The following TUSC3 variants were observed in gnomAD, a reference collection of about 807,000 sequenced individuals.
The protein encoded by TUSC3 is dolichyl-diphosphooligosaccharide--protein glycosyltransferase subunit TUSC3.
TUSC3 carries 45 observed loss-of-function variants against 44.8 expected under a neutral mutation model. The observed-to-expected ratio is 1.00, with a 90% confidence interval of 0.79 to 1.29. The LOEUF (loss-of-function observed/expected upper bound fraction) is 1.29. Among genes scored for constraint, TUSC3 ranks in the 50% most tolerant of loss-of-function variants. TUSC3 has a pLI of 0.00. For missense variants in TUSC3, 519 were observed against 437.9 expected, an observed-to-expected ratio of 1.19 and a Z score of -1.65; for synonymous variants, 212 against 152.9, an observed-to-expected ratio of 1.39 and a Z score of -2.85.
intron 1 of TUSC3, among the ~76,000 whole-genome samples, chr8:15,573,118 A>G (rs1282620617): frequency 6.7e-6 from 1 of 150,134 alleles, no homozygotes. Context: ...AAGCACAATA[A>G]AAGGAAGTAT....
intron 1 of TUSC3, among the ~76,000 whole-genome samples, chr8:15,425,686 T>C (rs1243993747): frequency 6.6e-6 from 1 of 152,220 alleles, no homozygotes; most frequent in African/African-American, 2.4e-5. Flanking sequence ...CCAAAGATTA[T>C]ATTATTCTCT....
At chr8:15,511,340 T>A (rs189122807) in intron 2 of TUSC3, among the ~76,000 whole-genome samples, 1 of 152,186 alleles carries the variant, frequency 6.6e-6, no homozygotes, top group East Asian at 1.9e-4. Flanking sequence ...AAAGCAAAAC[T>A]GTAGTTTTGG....
chr8:15,704,544 G>A (rs1809537014), intron 6 of TUSC3, among the ~76,000 whole-genome samples: 1 of 152,044 alleles, frequency 6.6e-6, no homozygotes, highest in Non-Finnish European at 1.5e-5. Context: ...TAACTTTATT[G>A]GTTCTTTGTT....
intron 1 of TUSC3, among the ~76,000 whole-genome samples, chr8:15,477,814 G>A (rs1316935284): frequency 6.6e-6 from 1 of 152,060 alleles, no homozygotes; most frequent in Non-Finnish European, 1.5e-5. Context: ...TACATGTGAT[G>A]GTATTGAATA....
chr8:15,710,083 G>A (rs1809781253), intron 6 of TUSC3, among the ~76,000 whole-genome samples: 1 of 151,536 alleles, frequency 6.6e-6, no homozygotes, highest in African/African-American at 2.4e-5. Context: ...TTACCTTAGT[G>A]CGCTCCCCTC....
chr8:15,636,716 G>T (rs150440163), intron 2 of TUSC3, among the ~76,000 whole-genome samples: 1 of 152,190 alleles, frequency 6.6e-6, no homozygotes. Flanking sequence ...GAGGACACTG[G>T]TTTGTGGGCT....
chr8:15,730,892 T>TA (rs1424065057), intron 7 of TUSC3, among the ~76,000 whole-genome samples, 163 bp downstream of exon 7: 2 of 152,158 alleles, frequency 1.3e-5, no homozygotes, highest in African/African-American at 2.4e-5. Flanking sequence ...TATTTCCTAT[T>TA]ACGGTATAAT....
intron 2 of TUSC3, among the ~76,000 whole-genome samples, chr8:15,532,553 A>G (rs942468507): frequency 6.6e-6 from 1 of 152,164 alleles, no homozygotes; most frequent in Non-Finnish European, 1.5e-5. Context: ...GGGAGAGAGT[A>G]AGAAGTTTAA....
At chr8:15,563,486 G>A (rs371637058) in intron 1 of TUSC3, among the ~76,000 whole-genome samples, 9 of 151,984 alleles carry the variant, frequency 5.9e-5, no homozygotes, top group African/African-American at 2.2e-4. Flanking sequence ...AGGAGTTTGA[G>A]AACAGCCTGG....
chr8:15,707,507 C>A (rs1037988906), intron 6 of TUSC3, among the ~76,000 whole-genome samples: 3 of 151,934 alleles, frequency 2.0e-5, no homozygotes, highest in Non-Finnish European at 2.9e-5. Context: ...AAGCACAAGT[C>A]ATTTTTCTCT....
At chr8:15,610,364 G>C (rs992088832) in intron 1 of TUSC3, among the ~76,000 whole-genome samples, 5 of 152,122 alleles carry the variant, frequency 3.3e-5, no homozygotes, top group African/African-American at 9.7e-5. Context: ...TGCTGCAAGG[G>C]AGTAGTTAAG....
Position 15,431,983 on chromosome 8 carries a change from G to A in TUSC3, n.91+14678G>A, listed in dbSNP as rs538157872. On this transcript the variant is annotated intron_variant and non_coding_transcript_variant, in intron 1 of 5. Coordinates refer to the TUSC3 transcript ENST00000503191. Reference sequence around the variant, plus strand: ...CAGGCATGAATCTCACTTAATTGTGGCGTGTGATTCTTTTAATGTTCAATG... The same window carrying A: ...CAGGCATGAATCTCACTTAATTGTGACGTGTGATTCTTTTAATGTTCAATG... 1.1e-4 allele frequency among the ~76,000 whole-genome samples: 17 copies of A among 151,534 alleles called. No homozygotes were observed. In the East Asian group the frequency reaches 3.3e-3, roughly 30 times the overall value.
the TUSC3 span, among the ~76,000 whole-genome samples, chr8:15,772,472 A>G: frequency 6.6e-6 from 1 of 152,226 alleles, no homozygotes; most frequent in Non-Finnish European, 1.5e-5. Context: ...AATTTACTCA[A>G]CAAAAACAAA....
the TUSC3 span, chr8:15,806,931 T>G: frequency 7.0e-7 from 1 of 1,437,136 alleles, no homozygotes; most frequent in Non-Finnish European, 9.8e-7. Flanking sequence ...TGCACCATGT[T>G]TCTTCTCTGA....
chr8:15,627,981 C>T (rs544231568), intron 2 of TUSC3, among the ~76,000 whole-genome samples: 2 of 152,078 alleles, frequency 1.3e-5, no homozygotes, highest in East Asian at 1.9e-4. Context: ...TTCCATCTGG[C>T]GAAGCGACAC....
At chr8:15,551,920 C>A (rs1802074771) in intron 1 of TUSC3, among the ~76,000 whole-genome samples, 1 of 151,542 alleles carries the variant, frequency 6.6e-6, no homozygotes, top group Non-Finnish European at 1.5e-5. Flanking sequence ...CACAGGGTTC[C>A]ATCATGACAC....
intron 6 of TUSC3, among the ~76,000 whole-genome samples, chr8:15,696,095 G>GA (rs1262959384): frequency 6.6e-6 from 1 of 152,172 alleles, no homozygotes; most frequent in Non-Finnish European, 1.5e-5. Context: ...AGACAATGGG[G>GA]AAAATGTCTC....
chr8:15,801,506 A>AG, the TUSC3 span, among the ~76,000 whole-genome samples: 1 of 150,386 alleles, frequency 6.6e-6, no homozygotes, highest in African/African-American at 2.5e-5. Context: ...AGTAGCCTTG[A>AG]GAAAAAAAAA....
At chr8:15,613,054 TTATATATA>T (rs1483860341) in intron 1 of TUSC3, among the ~76,000 whole-genome samples, 3 of 94,484 alleles carry the variant, frequency 3.2e-5, no homozygotes. Context: ...ATAAGCCATA[TTATATATA>T]TGATATATAT....
Sources: gnomAD v4.1 joint callset for allele counts (sites outside exome capture counted in the v4.1 genomes callset) on GRCh38, gnomAD v4.1.1 for gene constraint, MANE v1.5 for transcripts, NCBI Gene and HGNC (gene_info 2026-07-23, HGNC 2026-07-21) for gene names.